AHI1: variants seen among roughly 807,000 people sequenced by gnomAD.
The protein encoded by AHI1 is jouberin.
Under a neutral mutation model 149.3 loss-of-function variants are expected in AHI1, and 123 were observed. That is an observed-to-expected ratio of 0.82 (90% confidence interval 0.71 to 0.96). The LOEUF is 0.96. Ranked by LOEUF, AHI1 falls within the 40% of genes least tolerant of loss-of-function variation. The probability of loss-of-function intolerance (pLI) is 0.00; values close to 1 mark genes in which losing one functional copy is unlikely to be tolerated. For missense variants in AHI1, 1,439 were observed against 1,422.7 expected (o/e 1.01, Z -0.18); for synonymous variants, 475 against 459.8 (o/e 1.03, Z -0.42).
At chr6:135,347,727 A>G (rs531090413) in intron 24 of AHI1, among the ~76,000 whole-genome samples, 1 of 152,326 alleles carries the variant, frequency 6.6e-6, no homozygotes, top group East Asian at 1.9e-4. Context: ...ATATTTCTGT[A>G]GAACACCCAC....
At chr6:135,305,587 C>A (rs1784445344) in intron 26 of AHI1, among the ~76,000 whole-genome samples, 1 of 152,166 alleles carries the variant, frequency 6.6e-6, no homozygotes, top group Non-Finnish European at 1.5e-5. Flanking sequence ...CAATTCCTAG[C>A]TCCTTATTAT....
chr6:135,375,780 A>G (rs922744709), intron 23 of AHI1, among the ~76,000 whole-genome samples: 5 of 152,256 alleles, frequency 3.3e-5, no homozygotes, highest in Admixed American at 3.3e-4. Flanking sequence ...ATTCCCCAAT[A>G]GCAATGAGTG....
intron 25 of AHI1, among the ~76,000 whole-genome samples, chr6:135,319,524 T>C (rs1186398662): frequency 1.3e-5 from 2 of 152,142 alleles, no homozygotes; most frequent in African/African-American, 4.8e-5. Flanking sequence ...TCAATAAGCA[T>C]GGAGTTAGGA....
intron 10 of AHI1, among the ~76,000 whole-genome samples, chr6:135,454,779 G>A (rs766982861): frequency 6.6e-6 from 1 of 152,026 alleles, no homozygotes; most frequent in African/African-American, 2.4e-5. Context: ...AAAGTTTGAA[G>A]ACAAAAAATT....
intron 24 of AHI1, among the ~76,000 whole-genome samples, chr6:135,346,848 T>A (rs1033432891): frequency 2.6e-5 from 4 of 152,166 alleles, no homozygotes; most frequent in African/African-American, 7.2e-5. Context: ...AGGTCACAGG[T>A]GACTCTGCCA....
intron 20 of AHI1, among the ~76,000 whole-genome samples, chr6:135,419,154 A>C (rs1782794159): frequency 6.6e-6 from 1 of 152,088 alleles, no homozygotes; most frequent in Non-Finnish European, 1.5e-5. Context: ...AAAACTGTTC[A>C]AAATCTATAG....
intron 8 of AHI1, among the ~76,000 whole-genome samples, chr6:135,459,559 G>A (rs980273633): frequency 6.6e-6 from 1 of 151,822 alleles, no homozygotes; most frequent in Non-Finnish European, 1.5e-5. Context: ...GCTAAAGGTT[G>A]GTTTTTGAAA....
At chr6:135,485,863 T>C (rs978236762) in intron 5 of AHI1, among the ~76,000 whole-genome samples, 3 of 152,174 alleles carry the variant, frequency 2.0e-5, no homozygotes, top group East Asian at 1.9e-4. Flanking sequence ...GAGCCTGTTA[T>C]GGCTCACACC....
At chr6:135,287,664 T>C (rs533772867) in intron 28 of AHI1, among the ~76,000 whole-genome samples, 44 of 152,300 alleles carry the variant, frequency 2.9e-4, no homozygotes, top group Non-Finnish European at 5.9e-4. Flanking sequence ...AGGAAGAAAG[T>C]AACGAAGCAA....
intron 3 of AHI1, 84 bp from the exon 4 acceptor site, chr6:135,492,375 T>C: frequency 7.0e-7 from 1 of 1,420,114 alleles, no homozygotes; most frequent in Non-Finnish European, 9.3e-7. Context: ...ATCATGCCAT[T>C]GTATGTCCAC....
rs137914457 is a variant in AHI1, at chr6:135,330,093, T to C, written c.3166-6769A>G. 1.8e-3 allele frequency among the ~76,000 whole-genome samples: 281 copies of C among 152,384 alleles called. 1 individual carries two copies. The highest frequency in any genetic ancestry group is 6.6e-3 in the African/African-American group (273 of 41,598). ...ACTCCTCGTGAAGATGCTGTGACTC[T>C]TGCTGAAATAACAGAGGATTTAGAA... On this transcript the variant is annotated intron_variant, in intron 24 of 28. Transcript: ENST00000265602.
chr6:135,336,727 T>A (rs1789447541), intron 24 of AHI1, among the ~76,000 whole-genome samples: 1 of 152,210 alleles, frequency 6.6e-6, no homozygotes, highest in Non-Finnish European at 1.5e-5. Flanking sequence ...CAGTTGGGTT[T>A]TCTCTCAGCA....
chr6:135,417,162 T>A (rs1782497022), intron 20 of AHI1, among the ~76,000 whole-genome samples: 1 of 152,092 alleles, frequency 6.6e-6, no homozygotes, highest in Non-Finnish European at 1.5e-5. Context: ...TGTTTCATGA[T>A]CTTTGTCTTA....
Position 135,453,452 on chromosome 6 carries a change from C to T in AHI1, c.1345-16G>A, listed in dbSNP as rs1018246630. ...AATCAAGAATCTGCAAATAAATTCA[C>T]AGAAGACTAAGCTACCTAAAATTTA... On this transcript the variant is annotated splice_polypyrimidine_tract_variant and intron_variant, in intron 10 of 28. Coordinates refer to ENST00000265602, the MANE Select transcript of AHI1 (RefSeq NM_001134831.2). The T allele has an allele frequency of 1.2e-5, 18 of 1,505,114 alleles. No individual in the cohort carries two copies. The highest frequency in any genetic ancestry group is 1.6e-5 in the Non-Finnish European group (18 of 1,107,244). The allele number at this position is 1,505,114 out of a possible 1,614,324, so 93.2% of individuals were successfully genotyped here.
Position 135,463,325 on chromosome 6 carries a change from T to C in AHI1, c.750-19A>G. 1 of 1,564,842 alleles carries C rather than the reference T, an allele frequency of 6.4e-7. No individual in the cohort carries two copies. Among genetic ancestry groups the C allele is most frequent in the Non-Finnish European group, 8.7e-7 (1 of 1,154,506 alleles). On this transcript the variant is annotated intron_variant, in intron 7 of 28. Coordinates refer to ENST00000265602, the MANE Select transcript of AHI1 (RefSeq NM_001134831.2). ...CAATGTACTACAAATATAATCCAAG[T>C]ATCAGCCATTACAGATATATTATCA...
chr6:135,285,962 T>C (rs748182046), intron 28 of AHI1, among the ~76,000 whole-genome samples: 13 of 152,186 alleles, frequency 8.5e-5, no homozygotes, highest in Admixed American at 2.6e-4. Context: ...CATAAGTAAC[T>C]TCCAGAAATG....
intron 27 of AHI1, among the ~76,000 whole-genome samples, chr6:135,293,421 A>AAAAAAAAAAAAAAAAAAAAAAG (rs1562444590): frequency 7.4e-6 from 1 of 134,376 alleles, no homozygotes; most frequent in African/African-American, 2.7e-5. Flanking sequence ...AAAAAAAAAA[A>AAAAAAAAAAAAAAAAAAAAAAG]AAAGAAAAAA....
chr6:135,406,715 A>T (rs1780845585), intron 21 of AHI1, among the ~76,000 whole-genome samples: 1 of 152,230 alleles, frequency 6.6e-6, no homozygotes, highest in Non-Finnish European at 1.5e-5. Flanking sequence ...GGCTCTACTT[A>T]GCAATCAACT....
At chr6:135,412,823 C>T (rs1325154309) in intron 20 of AHI1, among the ~76,000 whole-genome samples, 1 of 152,086 alleles carries the variant, frequency 6.6e-6, no homozygotes, top group Non-Finnish European at 1.5e-5. Context: ...AATATGGAAT[C>T]AATGGATAAA....
Sources: allele counts gnomAD v4.1 joint callset (sites outside exome capture counted in the v4.1 genomes callset), GRCh38; gene constraint gnomAD v4.1.1; transcripts MANE v1.5; gene names NCBI Gene and HGNC (gene_info 2026-07-23, HGNC 2026-07-21).